Variants in FAM149B1 observed in about 807,000 individuals in gnomAD.
FAM149B1 encodes family with sequence similarity 149 member B1, also known as primary cilium assembly protein FAM149B1.
A neutral mutation model predicts 75.3 loss-of-function variants in FAM149B1; 56 were observed. The ratio of observed to expected loss-of-function variants is 0.74; its 90% CI spans 0.60 to 0.93. The LOEUF is 0.93. Among genes scored for constraint, FAM149B1 ranks in the 40% least tolerant of loss-of-function variants. The probability of loss-of-function intolerance (pLI) is 0.00; values close to 1 mark genes in which losing one functional copy is unlikely to be tolerated. For synonymous variants in FAM149B1, 259 were observed against 256.1 expected, an observed-to-expected ratio of 1.01 and a Z score of -0.11; for missense variants, 639 against 708.4, an observed-to-expected ratio of 0.90 and a Z score of 1.11.
At chr10:73,182,054 T>C (rs190063648) in intron 3 of FAM149B1, among the ~76,000 whole-genome samples, 2 of 152,306 alleles carry the variant, frequency 1.3e-5, no homozygotes, top group African/African-American at 4.8e-5. Flanking sequence ...CTGATACAAG[T>C]ATAGCTACTT....
rs376845849 is a variant in FAM149B1 at position 73,243,864 on chromosome 10, A to G, written c.*2845A>G. ...TTACCTGAATGGCTGCCTTCAGGCT[A>G]TCCACGCCTTCATCAAGCCCCAACT... On this transcript the variant is annotated 3_prime_UTR_variant, in exon 14 of 14. Coordinates refer to ENST00000242505, the MANE Select transcript of FAM149B1 (RefSeq NM_173348.2). 108 of 1,614,038 alleles carry G rather than the reference A, an allele frequency of 6.7e-5. No homozygotes were observed. Among genetic ancestry groups the G allele is most frequent in the Non-Finnish European group, 9.1e-5 (107 of 1,180,012 alleles).
chr10:73,199,344 A>C lies in FAM149B1; in HGVS notation c.542+5751A>C, dbSNP rs188617434. ...GCCATTCTCCTGCCTCAGCCTCCCG[A>C]GTAGCTGGGACTACAGGCGCCCACC... On this transcript the variant is annotated intron_variant, in intron 5 of 13. Transcript: ENST00000242505. Among the ~76,000 whole-genome samples the C allele has an allele frequency of 4.0e-3, 612 of 151,994 alleles. 34 individuals are homozygous for C. In the East Asian group the frequency reaches 0.11, roughly 26 times the overall value.
In FAM149B1 at chr10:73,179,241, G is replaced by A. The variant is rs146337504; in HGVS notation, c.282+1266G>A. ...GCCTCTCAAAGTGCTGGGATTACAG[G>A]CATGAGCCACCATGCCCGGCCAACA... On this transcript the variant is annotated intron_variant, in intron 3 of 13. Coordinates refer to ENST00000242505, the MANE Select transcript of FAM149B1 (RefSeq NM_173348.2). 6.6e-3 allele frequency among the ~76,000 whole-genome samples: 1,000 copies of A among 152,190 alleles called. 15 individuals carry two copies. The highest frequency in any genetic ancestry group is 0.023 in the African/African-American group (941 of 41,502).
chr10:73,239,455 C>T, intron 13 of FAM149B1, 71 bp downstream of exon 13: 1 of 1,116,140 alleles, frequency 9.0e-7, no homozygotes, highest in South Asian at 1.4e-5. Context: ...GTCTTTTTTC[C>T]TACACCTATT....
chr10:73,224,702 C>T (rs552723199), intron 7 of FAM149B1, among the ~76,000 whole-genome samples: 12 of 151,984 alleles, frequency 7.9e-5, no homozygotes, highest in Non-Finnish European at 1.3e-4. Flanking sequence ...GAACTCCTGA[C>T]CTCAGGTGAT....
chr10:73,173,225 C>T (rs1843792100), intron 1 of FAM149B1, among the ~76,000 whole-genome samples: 1 of 152,146 alleles, frequency 6.6e-6, no homozygotes, highest in Non-Finnish European at 1.5e-5. Flanking sequence ...ACTTTTCACT[C>T]AGCTTCCCCC....
Position 73,228,134 on chromosome 10 carries a change from G to A in FAM149B1, c.973G>A (p.Val325Met), listed in dbSNP as rs1291339707. 2 of 1,551,494 alleles carry A rather than the reference G, an allele frequency of 1.3e-6. No individual in the cohort carries two copies. Among genetic ancestry groups the A allele is most frequent in the Non-Finnish European group, 1.7e-6 (2 of 1,146,856 alleles). Residue 325 changes from valine to methionine, a missense_variant, in exon 8 of 14, where the codon GTG (valine) becomes ATG (methionine). Val to Met is a conservative substitution (Grantham distance 21, BLOSUM62 1). Coordinates refer to ENST00000242505, the MANE Select transcript of FAM149B1 (RefSeq NM_173348.2). The part of the protein sequence containing the change: ...SCVLSELHPL[V>M]LPRVPQSKVL... ...TGTGCTGAGTGAACTACATCCTTTG[G>A]TGTTACCGCGAGTGCCACAGTCTAA...
intron 1 of FAM149B1, among the ~76,000 whole-genome samples, chr10:73,169,347 A>G (rs912843718): frequency 6.6e-6 from 1 of 151,854 alleles, no homozygotes; most frequent in Non-Finnish European, 1.5e-5. Flanking sequence ...ATAAATAATA[A>G]AAAAATAAAA....
At chr10:73,224,527 A>C (rs2043491654) in intron 7 of FAM149B1, among the ~76,000 whole-genome samples, 2 of 144,516 alleles carry the variant, frequency 1.4e-5, no homozygotes, top group African/African-American at 5.2e-5. Context: ...GCTGGAGTGC[A>C]GTGGTGTGAT....
At chr10:73,200,403 C>G in intron 5 of FAM149B1, 1 of 580,964 alleles carries the variant, frequency 1.7e-6, no homozygotes, top group South Asian at 1.5e-5. Context: ...ATGGGAGCAA[C>G]CTGTCATGCC....
intron 5 of FAM149B1, among the ~76,000 whole-genome samples, chr10:73,206,774 G>C (rs1335091070): frequency 6.6e-6 from 1 of 152,192 alleles, no homozygotes; most frequent in Admixed American, 6.5e-5. Flanking sequence ...AATTAGCCAG[G>C]TGTGGTGGCG....
chr10:73,213,136 C>A (rs1343952509), intron 7 of FAM149B1, among the ~76,000 whole-genome samples: 1 of 152,132 alleles, frequency 6.6e-6, no homozygotes, highest in Non-Finnish European at 1.5e-5. Context: ...CATGAGCCAC[C>A]ATGCCCAGCC....
chr10:73,179,140 T>C lies in FAM149B1; in HGVS notation c.282+1165T>C, dbSNP rs990990863. On this transcript the variant is annotated intron_variant, in intron 3 of 13. Coordinates refer to ENST00000242505, the MANE Select transcript of FAM149B1 (RefSeq NM_173348.2). ...CCACCATGGCCAGCTAATTTTTGTA[T>C]TTTCAGTAGAGACAGGGTTTCACCA... Among the ~76,000 whole-genome samples, 3 of 152,176 alleles carry C rather than the reference T, an allele frequency of 2.0e-5. No homozygotes were observed. In the East Asian group the frequency reaches 5.8e-4, roughly 30 times the overall value.
intron 5 of FAM149B1, among the ~76,000 whole-genome samples, chr10:73,194,040 G>T (rs1236397929): frequency 6.6e-6 from 1 of 151,996 alleles, no homozygotes; most frequent in African/African-American, 2.4e-5. Context: ...AAAGCTACCA[G>T]TTCCCCTTCC....
At chr10:73,209,001 TG>T (rs2088156550) in intron 6 of FAM149B1, among the ~76,000 whole-genome samples, 1 of 152,240 alleles carries the variant, frequency 6.6e-6, no homozygotes, top group South Asian at 2.1e-4. Context: ...ATCATTTGCC[TG>T]TTCCTGAGAT....
Position 73,239,467 on chromosome 10 carries a change from C to T in FAM149B1, c.1675+83C>T, listed in dbSNP as rs539887993. ...TTTGTCTTTTTTCCTACACCTATTT[C>T]CCCTTCTTTCAGATTTTCTTGGATT... On this transcript the variant is annotated intron_variant, in intron 13 of 13. Transcript: ENST00000242505. 1,029 of 976,746 alleles carry T rather than the reference C, an allele frequency of 1.1e-3. 11 individuals carry two copies. In the South Asian group the frequency reaches 0.015, roughly 15 times the overall value. 60.5% of individuals were successfully genotyped at this position (976,746 alleles called of 1,614,324 possible). A position where few individuals can be genotyped will look rare whatever the true frequency, so the allele number is the denominator to read the frequency against.
chr10:73,224,793 G>A (rs1242237194), intron 7 of FAM149B1, among the ~76,000 whole-genome samples: 1 of 152,098 alleles, frequency 6.6e-6, no homozygotes, highest in East Asian at 1.9e-4. Context: ...TTGAAAAACA[G>A]GCAGTAGTAA....
chr10:73,184,547 A>G (rs2042473200), intron 3 of FAM149B1, among the ~76,000 whole-genome samples: 1 of 152,226 alleles, frequency 6.6e-6, no homozygotes, highest in South Asian at 2.1e-4. Context: ...AAGTTTTTTA[A>G]CTATAAAAAG....
intron 8 of FAM149B1, among the ~76,000 whole-genome samples, chr10:73,228,522 C>T (rs763675145): frequency 7.2e-5 from 11 of 152,124 alleles, no homozygotes; most frequent in Non-Finnish European, 1.5e-4. Flanking sequence ...ATGGCCTTGA[C>T]ATTGTCCTTT....
Sources: allele counts gnomAD v4.1 joint callset (sites outside exome capture counted in the v4.1 genomes callset), GRCh38; gene constraint gnomAD v4.1.1; transcripts MANE v1.5; gene names NCBI Gene and HGNC (gene_info 2026-07-23, HGNC 2026-07-21).